MPP7: variants seen among roughly 807,000 people sequenced by gnomAD.
MPP7 encodes the protein MAGUK p55 scaffold protein 7, also known as MAGUK p55 subfamily member 7.
Under a neutral mutation model 76.5 loss-of-function variants are expected in MPP7, and 60 were observed. The observed-to-expected ratio is 0.78, with a 90% CI of 0.64 to 0.97. MPP7 has a LOEUF of 0.97. MPP7 is among the 50% of genes least tolerant of loss of function. The probability of loss-of-function intolerance (pLI) is 0.00; values close to 1 mark genes in which losing one functional copy is unlikely to be tolerated. For synonymous variants in MPP7, 237 were observed against 244.5 expected (o/e 0.97, Z 0.29); for missense variants, 641 against 694.0 (o/e 0.92, Z 0.86).
chr10:28,059,788 C>T, intron 13 of MPP7, 45 bp from the exon 14 acceptor site: 1 of 1,269,676 alleles, frequency 7.9e-7, no homozygotes, highest in Non-Finnish European at 1.1e-6. Flanking sequence ...ACATCAGCCA[C>T]CTTAAGGAAA....
intron 12 of MPP7, among the ~76,000 whole-genome samples, chr10:28,080,017 T>C (rs1346391708): frequency 9.8e-5 from 11 of 112,638 alleles, no homozygotes. Context: ...AGCGGAAGAA[T>C]GGCTCAAACC....
chr10:28,121,134 T>A (rs1443812264), intron 8 of MPP7, among the ~76,000 whole-genome samples: 1 of 151,970 alleles, frequency 6.6e-6, no homozygotes, highest in Non-Finnish European at 1.5e-5. Flanking sequence ...AAAACCCCTG[T>A]CTCTACAAAA....
At chr10:28,258,394 A>G (rs1839853323) in intron 1 of MPP7, among the ~76,000 whole-genome samples, 1 of 147,028 alleles carries the variant, frequency 6.8e-6, no homozygotes, top group Non-Finnish European at 1.5e-5. Context: ...ATATATATAT[A>G]TATATATATA....
chr10:28,052,156 A>T lies in MPP7; in HGVS notation c.*1909T>A, dbSNP rs989076390. 2 of 152,186 alleles carry T rather than the reference A, an allele frequency of 1.3e-5. No homozygotes were observed. Among genetic ancestry groups the T allele is most frequent in the Non-Finnish European group, 2.9e-5 (2 of 68,030 alleles). The allele number at this position is 152,186 out of a possible 1,614,324, so 9.4% of individuals were successfully genotyped here. A position where few individuals can be genotyped will look rare whatever the true frequency, so the allele number is the denominator to read the frequency against. ...AAATGTGGGTATTTCAGGGTAAAGA[A>T]TTTGGACTGCCTAAATTACTCAGGT... On this transcript the variant is annotated 3_prime_UTR_variant, in exon 17 of 17. Transcript: ENST00000683449.
In MPP7 at chr10:28,053,014, T is replaced by A. The variant is rs1851418031; in HGVS notation, c.*1051A>T. 6.6e-6 allele frequency: 1 copy of A among 152,130 alleles called. No homozygotes were observed. The highest frequency in any genetic ancestry group is 1.5e-5 in the Non-Finnish European group (1 of 68,026). The allele number at this position is 152,130 out of a possible 1,614,324, so 9.4% of individuals were successfully genotyped here. A position where few individuals can be genotyped will look rare whatever the true frequency, so the allele number is the denominator to read the frequency against. On this transcript the variant is annotated 3_prime_UTR_variant, in exon 17 of 17. Coordinates refer to ENST00000683449, the MANE Select transcript of MPP7 (RefSeq NM_001318170.2). ...CTAAACTTCTTTAACAATGGCAAGG[T>A]TAGGATGGTGTCTGGACAGTGTTAA... is the stretch of plus-strand genomic sequence containing the variant.
At chr10:28,250,512 T>C (rs998783030) in intron 1 of MPP7, among the ~76,000 whole-genome samples, 2 of 152,294 alleles carry the variant, frequency 1.3e-5, no homozygotes, top group East Asian at 3.9e-4. Context: ...AATTGGTCTG[T>C]TCCCACCTCC....
chr10:28,093,667 G>A (rs1362657065), intron 11 of MPP7, among the ~76,000 whole-genome samples: 3 of 151,984 alleles, frequency 2.0e-5, no homozygotes, highest in Admixed American at 6.6e-5. Context: ...GGCTGGTCTC[G>A]AACTCCTGAC....
At chr10:28,309,705 T>C (rs1841278390) in intron 2 of MPP7, among the ~76,000 whole-genome samples, 1 of 152,170 alleles carries the variant, frequency 6.6e-6, no homozygotes, top group Non-Finnish European at 1.5e-5. Flanking sequence ...GTCCCCAGTG[T>C]TGGAGGTGGG....
intron 1 of MPP7, among the ~76,000 whole-genome samples, chr10:28,280,924 T>C (rs1840650849): frequency 6.6e-6 from 1 of 152,032 alleles, no homozygotes; most frequent in African/African-American, 2.4e-5. Context: ...CACATTCCTG[T>C]GTCTGACTAG....
chr10:28,328,876 G>A (rs570428444), intron 2 of MPP7, among the ~76,000 whole-genome samples: 1 of 152,194 alleles, frequency 6.6e-6, no homozygotes, highest in South Asian at 2.1e-4. Flanking sequence ...CCATTACGAT[G>A]TCTCTTTCTT....
chr10:28,091,277 AAACAGAT>A (rs1853285267), intron 11 of MPP7, among the ~76,000 whole-genome samples: 1 of 149,360 alleles, frequency 6.7e-6, no homozygotes, highest in Non-Finnish European at 1.5e-5. Flanking sequence ...CAACTTTGAT[AAACAGAT>A]AACTTTTTTT....
At chr10:28,138,928 C>G (rs1420801413) in intron 5 of MPP7, among the ~76,000 whole-genome samples, 1 of 152,156 alleles carries the variant, frequency 6.6e-6, no homozygotes, top group Non-Finnish European at 1.5e-5. Context: ...GTGCTATGTG[C>G]TAGAAACAAA....
At chr10:28,146,377 T>C (rs544717812) in intron 5 of MPP7, among the ~76,000 whole-genome samples, 76 of 151,152 alleles carry the variant, frequency 5.0e-4, no homozygotes, top group African/African-American at 1.6e-3. Context: ...GGGTTTATAG[T>C]CCACGCATGT....
intron 12 of MPP7, among the ~76,000 whole-genome samples, chr10:28,082,240 C>T (rs969209497): frequency 7.2e-5 from 11 of 152,254 alleles, no homozygotes; most frequent in Admixed American, 5.2e-4. Context: ...GGCTTCATTA[C>T]CTATTTCAGA....
chr10:28,277,967 A>T (rs2133076230), intron 1 of MPP7, among the ~76,000 whole-genome samples: 1 of 152,176 alleles, frequency 6.6e-6, no homozygotes. Context: ...TTTGAGTGAC[A>T]TGAAGAGCTA....
In MPP7 at chr10:28,052,726, T is replaced by G. The variant is rs937787912; in HGVS notation, c.*1339A>C. 4.6e-5 allele frequency: 7 copies of G among 152,232 alleles called. No homozygotes were observed. Among genetic ancestry groups the G allele is most frequent in the Non-Finnish European group, 1.0e-4 (7 of 68,028 alleles). The allele number at this position is 152,232 out of a possible 1,614,324, so 9.4% of individuals were successfully genotyped here. A position where few individuals can be genotyped will look rare whatever the true frequency, so the allele number is the denominator to read the frequency against. On this transcript the variant is annotated 3_prime_UTR_variant, in exon 17 of 17. Coordinates refer to ENST00000683449, the MANE Select transcript of MPP7 (RefSeq NM_001318170.2). ...CATAAATATATAGAATTTTACTACA[T>G]TCTATTTTTTTTCACATGACATTTA...
At chr10:28,278,857 G>T (rs1325522024) in intron 1 of MPP7, among the ~76,000 whole-genome samples, 2 of 148,798 alleles carry the variant, frequency 1.3e-5, no homozygotes. Flanking sequence ...AAATGTTAAT[G>T]GAGGTAAAGG....
intron 11 of MPP7, among the ~76,000 whole-genome samples, chr10:28,090,568 C>A (rs1185638242): frequency 6.6e-6 from 1 of 152,148 alleles, no homozygotes; most frequent in African/African-American, 2.4e-5. Context: ...TGAACATGAA[C>A]AAAGTTTCTA....
intron 2 of MPP7, among the ~76,000 whole-genome samples, chr10:28,207,981 T>G (rs1838003065): frequency 6.6e-6 from 1 of 152,160 alleles, no homozygotes; most frequent in African/African-American, 2.4e-5. Context: ...TCTGCAGTAA[T>G]TTGAACAGAG....
Sources: gnomAD v4.1 joint callset for allele counts (sites outside exome capture counted in the v4.1 genomes callset) on GRCh38, gnomAD v4.1.1 for gene constraint, MANE v1.5 for transcripts, NCBI Gene and HGNC (gene_info 2026-07-23, HGNC 2026-07-21) for gene names.